ASTN2: variants seen among roughly 807,000 people sequenced by gnomAD.
ASTN2 encodes astrotactin 2, also known as astrotactin-2.
In ASTN2, 54 loss-of-function variants were observed where a neutral mutation model predicts 139.8. The ratio of observed to expected loss-of-function variants is 0.39; its 90% CI spans 0.31 to 0.48. The LOEUF (loss-of-function observed/expected upper bound fraction) is 0.48. Among genes scored for constraint, ASTN2 ranks in the 20% least tolerant of loss-of-function variants. The pLI is 0.95. For missense variants in ASTN2, 1,565 were observed against 1,725.1 expected (o/e 0.91, Z 1.64); for synonymous variants, 756 against 719.5 (o/e 1.05, Z -0.81).
At position 117,287,771 on chromosome 9, in the gene ASTN2, C is replaced by T. The variant is rs550477727; in HGVS notation, c.630+3555G>A. Among the ~76,000 whole-genome samples, 14 of 152,294 alleles carry T rather than the reference C, an allele frequency of 9.2e-5. No individual in the cohort carries two copies. The East Asian group carries it at 2.7e-3, about 29-fold the overall frequency. On this transcript the variant is annotated intron_variant, in intron 2 of 22. Transcript: ENST00000313400. ...GTCTTTTTACTCCTAAGTTGAAGTCCTTTAAACATTGCTTCAATGACAATA... is the reference window on the plus strand; with the variant it reads ...GTCTTTTTACTCCTAAGTTGAAGTCTTTTAAACATTGCTTCAATGACAATA...
intron 19 of ASTN2, chr9:116,586,301 A>G (rs893996403): frequency 1.3e-5 from 2 of 152,254 alleles, no homozygotes; most frequent in South Asian, 2.1e-4. Context: ...GTATATATCC[A>G]AAAGAAAATA....
At chr9:116,623,400 G>C (rs1856275433) in intron 17 of ASTN2, among the ~76,000 whole-genome samples, 1 of 152,090 alleles carries the variant, frequency 6.6e-6, no homozygotes, top group Non-Finnish European at 1.5e-5. Flanking sequence ...ACACTGGTTA[G>C]AACACAAACA....
At chr9:116,621,055 T>G (rs768127800) in intron 17 of ASTN2, among the ~76,000 whole-genome samples, 17 of 152,192 alleles carry the variant, frequency 1.1e-4, no homozygotes, top group African/African-American at 2.2e-4. Context: ...CTTTGCACAG[T>G]ATCATCTGTT....
At position 116,423,298 on chromosome 9, in the gene ASTN2, G is replaced by A. The variant is rs535889050; in HGVS notation, c.*2553C>T. Among the ~76,000 whole-genome samples the A allele has an allele frequency of 5.3e-5, 8 of 152,118 alleles. No individual in the cohort carries two copies. The highest frequency in any genetic ancestry group is 1.2e-4 in the Non-Finnish European group (8 of 68,022). ...GTTAACTCCCTTATCATTCAAGCTG[G>A]GAAACAACCCCTTGAGGTGGGACCA... is the stretch of plus-strand genomic sequence containing the variant. On this transcript the variant is annotated 3_prime_UTR_variant, in exon 23 of 23. Coordinates refer to ENST00000313400, the MANE Select transcript of ASTN2 (RefSeq NM_001365068.1).
intron 3 of ASTN2, among the ~76,000 whole-genome samples, chr9:117,149,558 A>G (rs903472885): frequency 6.6e-6 from 1 of 152,166 alleles, no homozygotes; most frequent in Non-Finnish European, 1.5e-5. Context: ...AGGACTGGGG[A>G]CAAGGTGATA....
chr9:116,927,965 C>A (rs1018802685), intron 10 of ASTN2, among the ~76,000 whole-genome samples: 3 of 152,158 alleles, frequency 2.0e-5, no homozygotes, highest in Admixed American at 1.3e-4. Flanking sequence ...CTCCGTATAC[C>A]CTTTCATGTG....
chr9:116,957,658 A>T (rs1176524349), intron 10 of ASTN2, among the ~76,000 whole-genome samples: 1 of 152,150 alleles, frequency 6.6e-6, no homozygotes, highest in African/African-American at 2.4e-5. Context: ...TTTCCTCATG[A>T]TTAGATTCAG....
intron 19 of ASTN2, among the ~76,000 whole-genome samples, chr9:116,608,968 G>A (rs909357581): frequency 1.4e-4 from 22 of 152,062 alleles, no homozygotes; most frequent in Non-Finnish European, 1.0e-4. Flanking sequence ...AATAATGCTG[G>A]ATGGGATGAA....
At chr9:116,897,978 G>T (rs963576961) in intron 10 of ASTN2, among the ~76,000 whole-genome samples, 1 of 152,134 alleles carries the variant, frequency 6.6e-6, no homozygotes, top group East Asian at 1.9e-4. Context: ...GGGGTAGTCA[G>T]AGTGATTTTA....
chr9:116,725,975 G>T (rs1373132202), intron 15 of ASTN2, 25 bp from the exon 16 acceptor site: 1 of 1,598,312 alleles, frequency 6.3e-7, no homozygotes, highest in Non-Finnish European at 8.5e-7. Context: ...AGCATGTGGA[G>T]GTGGTCAGAT....
chr9:116,441,215 G>C (rs1847830012), intron 21 of ASTN2, among the ~76,000 whole-genome samples: 1 of 151,882 alleles, frequency 6.6e-6, no homozygotes, highest in African/African-American at 2.4e-5. Context: ...TCTGTGATCA[G>C]GTCTGATAGG....
intron 2 of ASTN2, among the ~76,000 whole-genome samples, chr9:117,233,394 T>A (rs1588115922): frequency 6.6e-6 from 1 of 152,182 alleles, no homozygotes; most frequent in African/African-American, 2.4e-5. Flanking sequence ...ATCAGTCAAG[T>A]GGCAACAATC....
intron 7 of ASTN2, among the ~76,000 whole-genome samples, chr9:116,992,862 C>A (rs1048876130): frequency 6.6e-6 from 1 of 152,166 alleles, no homozygotes; most frequent in African/African-American, 2.4e-5. Flanking sequence ...ATAAGTGATG[C>A]ACACTAAATA....
chr9:117,263,558 G>A (rs958161449), intron 2 of ASTN2, among the ~76,000 whole-genome samples: 17 of 152,114 alleles, frequency 1.1e-4, no homozygotes, highest in African/African-American at 4.1e-4. Context: ...TTCAGTCATT[G>A]ATTCTTACGT....
At chr9:116,652,353 T>A (rs1459800139) in intron 16 of ASTN2, among the ~76,000 whole-genome samples, 1 of 151,986 alleles carries the variant, frequency 6.6e-6, no homozygotes, top group Non-Finnish European at 1.5e-5. Context: ...AATAAATAAA[T>A]TAATTAATTA....
intron 12 of ASTN2, among the ~76,000 whole-genome samples, chr9:116,812,383 A>G (rs570492335): frequency 2.3e-4 from 35 of 149,966 alleles, no homozygotes; most frequent in Admixed American, 6.0e-4. Flanking sequence ...CGTGTTAGTC[A>G]GAGGAGGAAA....
At chr9:117,329,806 T>C (rs951437244) in intron 1 of ASTN2, among the ~76,000 whole-genome samples, 2 of 152,230 alleles carry the variant, frequency 1.3e-5, no homozygotes, top group Non-Finnish European at 2.9e-5. Flanking sequence ...TTGTTTACTA[T>C]GTTCCAGGAA....
chr9:116,938,545 C>T (rs1226325304), intron 10 of ASTN2, among the ~76,000 whole-genome samples: 1 of 152,156 alleles, frequency 6.6e-6, no homozygotes, highest in Non-Finnish European at 1.5e-5. Flanking sequence ...GAGTCCTCAA[C>T]AATACCCCCC....
chr9:116,682,578 T>A (rs1358977420), intron 16 of ASTN2, among the ~76,000 whole-genome samples: 1 of 152,208 alleles, frequency 6.6e-6, no homozygotes, highest in African/African-American at 2.4e-5. Context: ...CATTCACACG[T>A]ATGTTTACTG....
Sources: gnomAD v4.1 joint callset for allele counts (sites outside exome capture counted in the v4.1 genomes callset) on GRCh38, gnomAD v4.1.1 for gene constraint, MANE v1.5 for transcripts, NCBI Gene and HGNC (gene_info 2026-07-23, HGNC 2026-07-21) for gene names.